RPIA: variants seen among roughly 807,000 people sequenced by gnomAD.
RPIA encodes ribose-5-phosphate isomerase.
In RPIA, 29 loss-of-function variants were observed where a neutral mutation model predicts 37.8. The observed-to-expected ratio is 0.77, with a 90% CI of 0.57 to 1.05. The LOEUF (loss-of-function observed/expected upper bound fraction) is 1.05. RPIA is among the 50% of genes least tolerant of loss of function. The pLI, the probability that RPIA is intolerant of heterozygous loss-of-function variation, is 0.00. For synonymous variants in RPIA, 167 were observed against 157.0 expected (o/e 1.06, Z -0.48); for missense variants, 385 against 413.6 (o/e 0.93, Z 0.60).
At chr2:88,698,823 A>G (rs1672790658) in intron 2 of RPIA, among the ~76,000 whole-genome samples, 3 of 152,276 alleles carry the variant, frequency 2.0e-5, no homozygotes, top group Admixed American at 2.0e-4. Context: ...TCCCAATATA[A>G]TTTTAATCAT....
intron 3 of RPIA, among the ~76,000 whole-genome samples, chr2:88,707,577 C>G (rs375202269): frequency 2.6e-5 from 4 of 152,188 alleles, no homozygotes; most frequent in African/African-American, 9.7e-5. Flanking sequence ...CTCACATTCT[C>G]CCTGGTAACA....
intron 7 of RPIA, among the ~76,000 whole-genome samples, chr2:88,737,684 A>C (rs909926951): frequency 6.6e-6 from 1 of 152,180 alleles, no homozygotes; most frequent in Non-Finnish European, 1.5e-5. Flanking sequence ...TGTGGTGATA[A>C]TTGTGACATG....
At position 88,718,415 on chromosome 2, in the gene RPIA, T is replaced by C. The variant is rs75072434; in HGVS notation, c.403-10863T>C. On this transcript the variant is annotated intron_variant, in intron 3 of 8. Coordinates refer to ENST00000283646, the MANE Select transcript of RPIA (RefSeq NM_144563.3). ...CCATAGAAGGAATCTCAGATAAGAC[T>C]CCTTTTTTAAAGCCGAGCCCAGCCA... Among the ~76,000 whole-genome samples, 90 of 152,300 alleles carry C rather than the reference T, an allele frequency of 5.9e-4. 4 individuals carry two copies. In the East Asian group the frequency reaches 0.016, roughly 27 times the overall value.
chr2:88,711,463 C>G (rs1049371346), intron 3 of RPIA, among the ~76,000 whole-genome samples: 1 of 152,168 alleles, frequency 6.6e-6, no homozygotes, highest in African/African-American at 2.4e-5. Flanking sequence ...ATCTACAGAC[C>G]TGGAATCAAT....
Position 88,750,186 on chromosome 2 carries a change from T to C in RPIA, c.*108T>C, listed in dbSNP as rs1242741830. 1.8e-6 allele frequency: 1 copy of C among 544,980 alleles called. No homozygotes were observed. The highest frequency in any genetic ancestry group is 2.0e-5 in the African/African-American group (1 of 50,690). The allele number at this position is 544,980 out of a possible 1,614,324, so 33.8% of individuals were successfully genotyped here. ...AATGTATCTCTGCCTGGACAACTTG[T>C]GGTGGGGGGTGGGGGGAAGAGTGGG... On this transcript the variant is annotated 3_prime_UTR_variant, in exon 9 of 9. Transcript: ENST00000283646.
At chr2:88,724,670 C>T (rs1310513657) in intron 3 of RPIA, among the ~76,000 whole-genome samples, 1 of 152,038 alleles carries the variant, frequency 6.6e-6, no homozygotes, top group East Asian at 1.9e-4. Flanking sequence ...CAGTTTCATG[C>T]CCTACTTTTT....
At chr2:88,717,920 TTACTC>T (rs532370389) in intron 3 of RPIA, among the ~76,000 whole-genome samples, 2 of 152,178 alleles carry the variant, frequency 1.3e-5, no homozygotes, top group Non-Finnish European at 2.9e-5. Context: ...ATAGGCCACA[TTACTC>T]TAAAGTCCAT....
At chr2:88,738,160 G>A (rs1673338456) in intron 8 of RPIA, 84 bp downstream of exon 8, 1 of 969,580 alleles carries the variant, frequency 1.0e-6, no homozygotes, top group East Asian at 2.5e-5. Flanking sequence ...AAGGCACAAT[G>A]GACATGGGCT....
chr2:88,739,139 G>A (rs1442001958), intron 8 of RPIA, among the ~76,000 whole-genome samples: 3 of 152,164 alleles, frequency 2.0e-5, no homozygotes, highest in Admixed American at 1.3e-4. Flanking sequence ...CGTACAGGGG[G>A]ATTAAAAGGA....
chr2:88,719,026 G>A (rs1443309018), intron 3 of RPIA, among the ~76,000 whole-genome samples: 1 of 152,078 alleles, frequency 6.6e-6, no homozygotes, highest in Non-Finnish European at 1.5e-5. Context: ...GAATATTTCA[G>A]CTCTCTGAGT....
At chr2:88,700,909 G>A (rs1035491846) in intron 3 of RPIA, among the ~76,000 whole-genome samples, 5 of 152,160 alleles carry the variant, frequency 3.3e-5, no homozygotes, top group African/African-American at 1.2e-4. Flanking sequence ...ACTATGCACT[G>A]GGGTAGGAGA....
At chr2:88,698,432 A>G (rs1672786111) in intron 1 of RPIA, 52 bp from the exon 2 acceptor site, 1 of 1,476,588 alleles carries the variant, frequency 6.8e-7, no homozygotes, top group Non-Finnish European at 9.5e-7. Context: ...CTGACAAAGG[A>G]GTAAAATATG....
intron 3 of RPIA, among the ~76,000 whole-genome samples, chr2:88,728,799 A>C (rs193090204): frequency 6.6e-5 from 10 of 152,290 alleles, no homozygotes; most frequent in African/African-American, 2.2e-4. Flanking sequence ...GAATTCTGGC[A>C]TTTTTAAGTG....
At chr2:88,706,390 C>T (rs185423789) in intron 3 of RPIA, among the ~76,000 whole-genome samples, 1 of 152,208 alleles carries the variant, frequency 6.6e-6, no homozygotes. Flanking sequence ...GGAACGATAT[C>T]ATGTCCTTGG....
chr2:88,717,927 A>G (rs1673056083), intron 3 of RPIA, among the ~76,000 whole-genome samples: 1 of 152,218 alleles, frequency 6.6e-6, no homozygotes, highest in Non-Finnish European at 1.5e-5. Flanking sequence ...ACATTACTCT[A>G]AAGTCCATAC....
chr2:88,696,267 G>A (rs529188333), intron 1 of RPIA, among the ~76,000 whole-genome samples: 23 of 152,262 alleles, frequency 1.5e-4, no homozygotes, highest in African/African-American at 4.3e-4. Flanking sequence ...TTGCTTATTC[G>A]ATTGAAATGG....
chr2:88,743,555 T>G (rs1359005805), intron 8 of RPIA, among the ~76,000 whole-genome samples: 2 of 150,456 alleles, frequency 1.3e-5, no homozygotes, highest in African/African-American at 4.8e-5. Flanking sequence ...CTTCATAGAA[T>G]GATTTAGAGA....
chr2:88,725,639 T>C (rs187676979), intron 3 of RPIA, among the ~76,000 whole-genome samples: 2 of 152,368 alleles, frequency 1.3e-5, no homozygotes, highest in Admixed American at 1.3e-4. Context: ...CTTACTCTAA[T>C]GGCCTCATTT....
chr2:88,709,536 C>T (rs1387391421), intron 3 of RPIA, among the ~76,000 whole-genome samples: 1 of 152,152 alleles, frequency 6.6e-6, no homozygotes, highest in Non-Finnish European at 1.5e-5. Context: ...CTTAGGCAGT[C>T]ATTTTCTGAG....
Sources: allele counts gnomAD v4.1 joint callset (sites outside exome capture counted in the v4.1 genomes callset), GRCh38; gene constraint gnomAD v4.1.1; transcripts MANE v1.5; gene names NCBI Gene and HGNC (gene_info 2026-07-23, HGNC 2026-07-21).